Variants in ABCB5 observed in about 807,000 individuals in gnomAD.
ABCB5 encodes ATP-binding cassette sub-family B member 5.
A neutral mutation model predicts 144.2 loss-of-function variants in ABCB5; 155 were observed. The observed-to-expected ratio is 1.08, with a 90% CI of 0.94 to 1.23. The LOEUF is 1.23. Among genes scored for constraint, ABCB5 ranks in the 50% most tolerant of loss-of-function variants. The pLI, the probability that ABCB5 is intolerant of heterozygous loss-of-function variation, is 0.00. For synonymous variants in ABCB5, 610 were observed against 528.6 expected, an observed-to-expected ratio of 1.15 and a Z score of -2.11; for missense variants, 1,830 against 1,520.8, an observed-to-expected ratio of 1.20 and a Z score of -3.38.
At chr7:20,751,131 A>G (rs1208371918) in intron 26 of ABCB5, among the ~76,000 whole-genome samples, 4 of 152,154 alleles carry the variant, frequency 2.6e-5, no homozygotes, top group Admixed American at 2.0e-4. Flanking sequence ...GCTCCGGTTC[A>G]TATTAAGGAG....
chr7:20,718,570 A>G (rs1361415585), intron 20 of ABCB5, among the ~76,000 whole-genome samples: 1 of 152,198 alleles, frequency 6.6e-6, no homozygotes, highest in Non-Finnish European at 1.5e-5. Context: ...TACAGTCTTG[A>G]AACTGAAACC....
At chr7:20,642,413 C>T (rs1177992802) in intron 5 of ABCB5, among the ~76,000 whole-genome samples, 1 of 152,188 alleles carries the variant, frequency 6.6e-6, no homozygotes, top group Non-Finnish European at 1.5e-5. Context: ...ATCACTTCCT[C>T]ACAGAAACTT....
chr7:20,666,173 A>G (rs1293717188), intron 14 of ABCB5, among the ~76,000 whole-genome samples: 1 of 88,852 alleles, frequency 1.1e-5, no homozygotes, highest in African/African-American at 6.1e-5. Flanking sequence ...TCTGTCTCAA[A>G]AAAAAAAAAA....
At chr7:20,751,101 T>C (rs903873674) in intron 26 of ABCB5, among the ~76,000 whole-genome samples, 2 of 152,158 alleles carry the variant, frequency 1.3e-5, no homozygotes, top group African/African-American at 4.8e-5. Flanking sequence ...GTGTTCCCTC[T>C]GGGACACAAC....
chr7:20,640,284 T>G (rs900521728), intron 5 of ABCB5, among the ~76,000 whole-genome samples: 14 of 152,216 alleles, frequency 9.2e-5, no homozygotes, highest in African/African-American at 2.9e-4. Context: ...AATACAGTGT[T>G]AGGATCCTGT....
Position 20,681,046 on chromosome 7 carries a change from T to TTC in ABCB5, c.1708-445_1708-444dup, listed in dbSNP as rs1284240190. On this transcript the variant is annotated intron_variant, in intron 14 of 27. Transcript: ENST00000404938. ...TCTTTCTTTCTTTCTCTTTCTTTCT[T>TTC]TCTCTCTCTCTCTCTTTCTTTCTTT... Among the ~76,000 whole-genome samples, 9 of 20,412 alleles carry TTC rather than the reference T, an allele frequency of 4.4e-4. 2 individuals are homozygous for TTC. The highest frequency in any genetic ancestry group is 1.0e-3 in the Admixed American group (2 of 1,942). 13.4% of individuals were successfully genotyped at this position (20,412 alleles called of 152,430 possible).
chr7:20,745,618 G>A (rs371010428), intron 26 of ABCB5, among the ~76,000 whole-genome samples, 180 bp downstream of exon 26: 38 of 152,202 alleles, frequency 2.5e-4, no homozygotes, highest in Non-Finnish European at 4.6e-4. Context: ...ATTTTCGTGT[G>A]ACGATTTTCC....
rs1333827535 is a variant in ABCB5 at position 20,753,379 on chromosome 7, G to T, written c.3449G>T (p.Gly1150Val). 2 of 1,613,322 alleles carry T rather than the reference G, an allele frequency of 1.2e-6. No individual in the cohort carries two copies. The highest frequency in any genetic ancestry group is 3.3e-5 in the Admixed American group (2 of 59,944). The change falls in exon 27 of 28, where the codon GGA becomes GTA. Residue 1150 changes from glycine (G) to valine (V), a missense_variant. Gly to Val is a moderately radical substitution (Grantham distance 109, BLOSUM62 -3). Transcript: ENST00000404938. ...GLPEKYNTQV[G>V]LKGAQLSGGQ... is the part of the protein sequence containing the mutation. ...TGATAGAAATACAACACACAAGTTG[G>T]ACTGAAAGGAGCACAGCTTTCTGGC...
In ABCB5 at chr7:20,726,468, G is replaced by T. The variant is rs184908266; in HGVS notation, c.2626-572G>T. On this transcript the variant is annotated intron_variant, in intron 21 of 27. Transcript: ENST00000404938. The stretch of plus-strand genomic sequence containing the variant: ...TGCAACCTCCACCTCCCAGGTTCAA[G>T]TGATTCTCGTGCCTTAGCTTCCTGA... Among the ~76,000 whole-genome samples the T allele has an allele frequency of 4.4e-4, 62 of 140,792 alleles. 1 individual carries two copies. Among genetic ancestry groups the T allele is most frequent in the African/African-American group, 1.3e-3 (49 of 37,972 alleles). The allele number at this position is 140,792 out of a possible 152,430, so 92.4% of individuals were successfully genotyped here. A position where few individuals can be genotyped will look rare whatever the true frequency, so the allele number is the denominator to read the frequency against.
chr7:20,688,926 T>C (rs1463604469), intron 16 of ABCB5, among the ~76,000 whole-genome samples: 2 of 151,592 alleles, frequency 1.3e-5, no homozygotes, highest in South Asian at 2.1e-4. Context: ...ACGAGAACAC[T>C]TGGACACAGG....
At chr7:20,707,653 T>C (rs1458031961) in intron 20 of ABCB5, among the ~76,000 whole-genome samples, 1 of 152,190 alleles carries the variant, frequency 6.6e-6, no homozygotes, top group African/African-American at 2.4e-5. Context: ...ACACATCCAA[T>C]GCTAGAACCT....
At chr7:20,667,350 GA>G in intron 14 of ABCB5, 1 of 985,006 alleles carries the variant, frequency 1.0e-6, no homozygotes, top group Non-Finnish European at 1.2e-6. Flanking sequence ...CCCCTGTGAA[GA>G]AAAGAAGGTC....
intron 11 of ABCB5, among the ~76,000 whole-genome samples, chr7:20,649,102 G>A (rs1043177007): frequency 1.3e-5 from 2 of 151,890 alleles, no homozygotes; most frequent in Admixed American, 1.3e-4. Flanking sequence ...ATGAAATTTT[G>A]GGGGGGTCCA....
rs1431796145 is a variant in ABCB5, at chr7:20,727,074, T to C, written c.2660T>C (p.Ile887Thr). ...GAAGCTTTGGAGAATATACGTACTA[T>C]AGTGTCATTAACAAGGGAAAAAGCC... is the stretch of plus-strand genomic sequence containing the variant. Reference protein sequence around the residue: ...ATEALENIRTIVSLTREKAFE... With the variant: ...ATEALENIRTTVSLTREKAFE... Residue 887 changes from isoleucine to threonine, a missense_variant, in exon 22 of 28, where the codon ATA becomes ACA. Physicochemically the swap from Ile to Thr is moderately conservative, Grantham distance 89. Coordinates refer to ENST00000404938, the MANE Select transcript of ABCB5 (RefSeq NM_001163941.2). 1.2e-6 allele frequency: 2 copies of C among 1,613,590 alleles called. No individual in the cohort carries two copies. The highest frequency in any genetic ancestry group is 1.7e-6 in the Non-Finnish European group (2 of 1,179,686).
chr7:20,679,775 CAGA>C (rs1785731067), intron 14 of ABCB5, among the ~76,000 whole-genome samples: 5 of 152,118 alleles, frequency 3.3e-5, no homozygotes, highest in Admixed American at 3.3e-4. Flanking sequence ...AAGTCTTAGT[CAGA>C]ATATAGAGCA....
At chr7:20,750,643 G>A (rs997367971) in intron 26 of ABCB5, among the ~76,000 whole-genome samples, 13 of 151,878 alleles carry the variant, frequency 8.6e-5, no homozygotes, top group East Asian at 5.8e-4. Flanking sequence ...ATAACATATC[G>A]TATATGTATA....
At position 20,699,987 on chromosome 7, in the gene ABCB5, T is replaced by C. The variant is rs533294864; in HGVS notation, c.2259+58T>C. 205 of 1,600,476 alleles carry C rather than the reference T, an allele frequency of 1.3e-4. 1 individual carries two copies. In the African/African-American group the frequency reaches 2.6e-3, roughly 20 times the overall value. The stretch of plus-strand genomic sequence containing the variant: ...TACTTTTTGTTGCCATTCTTTCTAT[T>C]TGAGTTAAAAATATATCAACTAAAT... On this transcript the variant is annotated intron_variant, in intron 18 of 27. Transcript: ENST00000404938.
chr7:20,666,866 A>G, intron 14 of ABCB5: 2 of 1,371,132 alleles, frequency 1.5e-6, no homozygotes, highest in Non-Finnish European at 9.5e-7. Flanking sequence ...CTTTACACTA[A>G]TTCTGGCTAA....
At chr7:20,641,644 C>G (rs1784299586) in intron 5 of ABCB5, 1 of 153,366 alleles carries the variant, frequency 6.5e-6, no homozygotes, top group Non-Finnish European at 1.5e-5. Flanking sequence ...TAGATCCCCA[C>G]AGTAGAGAGA....
Sources: gnomAD v4.1 joint callset for allele counts (sites outside exome capture counted in the v4.1 genomes callset) on GRCh38, gnomAD v4.1.1 for gene constraint, MANE v1.5 for transcripts, NCBI Gene and HGNC (gene_info 2026-07-23, HGNC 2026-07-21) for gene names.